TFB2M: variants seen among roughly 807,000 people sequenced by gnomAD.
The protein encoded by TFB2M is transcription factor B2, mitochondrial, also known as dimethyladenosine transferase 2, mitochondrial.
A neutral mutation model predicts 41.3 loss-of-function variants in TFB2M; 44 were observed. That is an observed-to-expected ratio of 1.07 (90% CI 0.84 to 1.37). The LOEUF (loss-of-function observed/expected upper bound fraction) is 1.37. Ranked by LOEUF, TFB2M falls within the 40% of genes most tolerant of loss-of-function variation. The pLI is 0.00. For synonymous variants in TFB2M, 188 were observed against 176.8 expected, an observed-to-expected ratio of 1.06 and a Z score of -0.50; for missense variants, 496 against 490.2, an observed-to-expected ratio of 1.01 and a Z score of -0.11.
At chr1:246,543,997 A>T (rs1658932137) in intron 7 of TFB2M, among the ~76,000 whole-genome samples, 1 of 152,110 alleles carries the variant, frequency 6.6e-6, no homozygotes, top group Admixed American at 6.5e-5. Context: ...CTCTAACAAC[A>T]ACAAAAAAAT....
intron 6 of TFB2M, among the ~76,000 whole-genome samples, chr1:246,546,752 A>C (rs1018149355): frequency 6.6e-6 from 1 of 152,104 alleles, no homozygotes; most frequent in Non-Finnish European, 1.5e-5. Context: ...TATTGACTAA[A>C]ATTTTTAATC....
chr1:246,541,283 G>T, intron 7 of TFB2M, 81 bp from the exon 8 acceptor site: 1 of 1,386,090 alleles, frequency 7.2e-7, no homozygotes, highest in Non-Finnish European at 9.8e-7. Flanking sequence ...TGGCTTCTAA[G>T]TTGAATTCAA....
chr1:246,558,295 T>C (rs1659376411), intron 2 of TFB2M, among the ~76,000 whole-genome samples: 2 of 151,882 alleles, frequency 1.3e-5, no homozygotes, highest in African/African-American at 4.8e-5. Context: ...TACAGGTGCA[T>C]ACCATCACGC....
At chr1:246,541,285 T>C in intron 7 of TFB2M, 83 bp from the exon 8 acceptor site, 2 of 1,368,838 alleles carry the variant, frequency 1.5e-6, no homozygotes, top group Non-Finnish European at 2.0e-6. Context: ...GCTTCTAAGT[T>C]GAATTCAAAA....
At chr1:246,561,709 C>T (rs3120712) in intron 2 of TFB2M, among the ~76,000 whole-genome samples, 145,612 of 152,262 alleles carry the variant, frequency 0.96, 69,769 homozygotes, top group Non-Finnish European at 0.99. Flanking sequence ...CCTCAAGTGA[C>T]CTGCCCGCCT....
In TFB2M at chr1:246,566,081, C is replaced by T; in HGVS notation, c.58G>A (p.Ala20Thr). Reference protein sequence around the residue: ...RRLRLSALAGAGRFCILGSEA... With the variant: ...RRLRLSALAGTGRFCILGSEA... ...GACCCTAAAATGCAAAAGCGACCAG[C>T]GCCCGCCAAGGCGGAGAGCCTCAGC... The change falls in exon 1 of 8, where the codon GCT (alanine) becomes ACT (threonine). Residue 20 changes from alanine (A) to threonine (T), a missense_variant. Coordinates refer to ENST00000366514, the MANE Select transcript of TFB2M (RefSeq NM_022366.3). The T allele has an allele frequency of 1.2e-6, 2 of 1,613,310 alleles. No individual in the cohort carries two copies. The highest frequency in any genetic ancestry group is 8.5e-7 in the Non-Finnish European group (1 of 1,179,430).
At position 246,566,005 on chromosome 1, in the gene TFB2M, G is replaced by A; in HGVS notation, c.134C>T (p.Ser45Phe). ...HLPARNHCGL[S>F]DSSPQLWPEP... ...GGGCCACAGCTGCGGAGAGGAGTCA[G>A]AGAGCCCACAGTGGTTCCTCGCCGG... The change falls in exon 1 of 8, where the codon TCT becomes TTT. Residue 45 changes from serine to phenylalanine, a missense_variant. Transcript: ENST00000366514. 6.2e-7 allele frequency: 1 copy of A among 1,614,208 alleles called. No individual in the cohort carries two copies. Among genetic ancestry groups the A allele is most frequent in the South Asian group, 1.1e-5 (1 of 91,090 alleles).
intron 2 of TFB2M, among the ~76,000 whole-genome samples, chr1:246,562,981 G>A (rs1459031653): frequency 1.3e-5 from 2 of 152,002 alleles, no homozygotes; most frequent in African/African-American, 2.4e-5. Context: ...TTTAAAAGCC[G>A]GCCGGCAGAA....
intron 2 of TFB2M, among the ~76,000 whole-genome samples, chr1:246,561,642 T>C (rs1659457939): frequency 6.6e-6 from 1 of 152,292 alleles, no homozygotes; most frequent in East Asian, 1.9e-4. Context: ...TAATTTTTTG[T>C]ATTTTTAGTA....
At chr1:246,564,632 G>A (rs1237574888) in intron 1 of TFB2M, among the ~76,000 whole-genome samples, 198 bp from the exon 2 acceptor site, 3 of 151,696 alleles carry the variant, frequency 2.0e-5, no homozygotes, top group Non-Finnish European at 4.4e-5. Flanking sequence ...CGTCAAAAGT[G>A]ATGCAGCTTG....
At chr1:246,543,537 G>T (rs3124115) in intron 7 of TFB2M, among the ~76,000 whole-genome samples, 36,649 of 151,710 alleles carry the variant, frequency 0.24, 4,861 homozygotes, top group Middle Eastern at 0.44. Flanking sequence ...CAGAAGTGTG[G>T]GCATCAGGCC....
At chr1:246,561,600 TG>T (rs1232245144) in intron 2 of TFB2M, among the ~76,000 whole-genome samples, 1 of 152,150 alleles carries the variant, frequency 6.6e-6, no homozygotes, top group Non-Finnish European at 1.5e-5. Flanking sequence ...CCCAAGTAAC[TG>T]GGATTACAGG....
intron 3 of TFB2M, 68 bp downstream of exon 3, chr1:246,557,313 A>G (rs1278057084): frequency 4.7e-6 from 7 of 1,485,792 alleles, no homozygotes; most frequent in Non-Finnish European, 6.4e-6. Context: ...TTCATCAACA[A>G]ATCAGTTATA....
At chr1:246,565,479 C>A (rs1359741600) in intron 1 of TFB2M, among the ~76,000 whole-genome samples, 1 of 152,172 alleles carries the variant, frequency 6.6e-6, no homozygotes, top group African/African-American at 2.4e-5. Flanking sequence ...TTTGGGAGAC[C>A]TAGGGGGGAG....
At chr1:246,542,898 CTT>C (rs35984926) in intron 7 of TFB2M, among the ~76,000 whole-genome samples, 153 of 112,060 alleles carry the variant, frequency 1.4e-3, no homozygotes, top group East Asian at 9.9e-3. Flanking sequence ...TCTATTACCA[CTT>C]TTTTTTTTTT....
At chr1:246,565,483 G>C (rs985828726) in intron 1 of TFB2M, among the ~76,000 whole-genome samples, 9 of 152,216 alleles carry the variant, frequency 5.9e-5, no homozygotes, top group African/African-American at 9.7e-5. Flanking sequence ...GGAGACCTAG[G>C]GGGGAGGATC....
chr1:246,563,828 G>T (rs542644674), intron 2 of TFB2M, among the ~76,000 whole-genome samples: 32 of 152,290 alleles, frequency 2.1e-4, no homozygotes, highest in African/African-American at 7.7e-4. Context: ...CCATCCCCAA[G>T]ATATCTCATT....
In TFB2M at chr1:246,564,355, T is replaced by C; in HGVS notation, c.393A>G (p.Pro131=). The C allele has an allele frequency of 1.9e-6, 3 of 1,614,030 alleles. No individual in the cohort carries two copies. Among genetic ancestry groups the C allele is most frequent in the Non-Finnish European group, 2.5e-6 (3 of 1,179,914 alleles). The part of the protein sequence containing the change: ...VALESDKTFI[P]HLESLGKNLD... ...GAAACTAAAAATATACCTCCAAATG[T>C]GGAATAAAAGTTTTGTCACTTTCGA... The change falls in exon 2 of 8, where the codon CCA becomes CCG. Residue 131 remains proline, a synonymous_variant. Coordinates refer to ENST00000366514, the MANE Select transcript of TFB2M (RefSeq NM_022366.3).
chr1:246,556,215 C>T (rs1267759941), intron 4 of TFB2M, among the ~76,000 whole-genome samples: 1 of 152,162 alleles, frequency 6.6e-6, no homozygotes, highest in African/African-American at 2.4e-5. Context: ...GTAGAGTAAA[C>T]TTACATGAGG....
Sources: allele counts gnomAD v4.1 joint callset (sites outside exome capture counted in the v4.1 genomes callset), GRCh38; gene constraint gnomAD v4.1.1; transcripts MANE v1.5; gene names NCBI Gene and HGNC (gene_info 2026-07-23, HGNC 2026-07-21).